The following VPS35L variants were observed in gnomAD, a reference collection of about 807,000 sequenced individuals.
The protein encoded by VPS35L is VPS35 endosomal protein-sorting factor-like.
In VPS35L, 83 loss-of-function variants were observed where a neutral mutation model predicts 133.0. The observed-to-expected ratio is 0.62, with a 90% CI of 0.52 to 0.75. VPS35L has a LOEUF of 0.75. Ranked by LOEUF, VPS35L falls within the 30% of genes least tolerant of loss-of-function variation. The pLI is 0.00. For missense variants in VPS35L, 1,083 were observed against 1,206.8 expected, an observed-to-expected ratio of 0.90 and a Z score of 1.52; for synonymous variants, 423 against 449.9, an observed-to-expected ratio of 0.94 and a Z score of 0.76.
At chr16:19,604,492 GT>G (rs796492842) in intron 9 of VPS35L, among the ~76,000 whole-genome samples, 20 of 151,296 alleles carry the variant, frequency 1.3e-4, no homozygotes, top group Non-Finnish European at 2.2e-4. Flanking sequence ...AAATGATTTG[GT>G]TTTTTTTTCT....
At chr16:19,582,452 C>T (rs943446078) in intron 7 of VPS35L, among the ~76,000 whole-genome samples, 4 of 152,204 alleles carry the variant, frequency 2.6e-5, no homozygotes, top group Admixed American at 6.5e-5. Flanking sequence ...GGAGTCTTCA[C>T]ACTGGACACA....
intron 1 of VPS35L, among the ~76,000 whole-genome samples, chr16:19,563,031 C>T (rs1971076103): frequency 6.6e-6 from 1 of 152,028 alleles, no homozygotes; most frequent in South Asian, 2.1e-4. Flanking sequence ...TCCCAAAGTG[C>T]TGGGATTACA....
chr16:19,609,304 A>G (rs1972633319), intron 11 of VPS35L, among the ~76,000 whole-genome samples: 1 of 152,192 alleles, frequency 6.6e-6, no homozygotes, highest in Non-Finnish European at 1.5e-5. Context: ...CTGTACTGGT[A>G]CTAGCTGTAT....
At chr16:19,674,629 A>C (rs28525483) in intron 27 of VPS35L, among the ~76,000 whole-genome samples, 52,063 of 152,006 alleles carry the variant, frequency 0.34, 9,184 homozygotes, top group African/African-American at 0.36. Flanking sequence ...TGTACAATAC[A>C]TTACTATTGA....
At chr16:19,565,823 G>T (rs969418502) in intron 2 of VPS35L, among the ~76,000 whole-genome samples, 15 of 152,122 alleles carry the variant, frequency 9.9e-5, no homozygotes, top group African/African-American at 3.4e-4. Flanking sequence ...TTTAATTTTT[G>T]TATTTGGAAT....
At position 19,637,676 on chromosome 16, in the gene VPS35L, TA is replaced by T; in HGVS notation, c.1698+21del. On this transcript the variant is annotated intron_variant, in intron 20 of 30. Transcript: ENST00000417362. ...TCAGTGGTAAGTAGGATTTCTTAAT[TA>T]TCTTTGGAAATTTGTACCTGGCTCA... 6.5e-7 allele frequency: 1 copy of T among 1,533,032 alleles called. No individual in the cohort carries two copies. Among genetic ancestry groups the T allele is most frequent in the Non-Finnish European group, 8.9e-7 (1 of 1,122,916 alleles). The allele number at this position is 1,533,032 out of a possible 1,614,324, so 95.0% of individuals were successfully genotyped here.
At chr16:19,579,266 C>T (rs1462837963) in intron 6 of VPS35L, 138 bp downstream of exon 6, 1 of 757,430 alleles carries the variant, frequency 1.3e-6, no homozygotes, top group Non-Finnish European at 2.1e-6. Context: ...GCAATGACTC[C>T]ATCCAGGGAA....
In VPS35L at chr16:19,637,705, G is replaced by A. The variant is rs778534687; in HGVS notation, c.1698+49G>A. ...TTTGGAAATTTGTACCTGGCTCAGA[G>A]GTTCTCATTGTCTCAGTAATGTTTT... On this transcript the variant is annotated intron_variant, in intron 20 of 30. Coordinates refer to ENST00000417362, the MANE Select transcript of VPS35L (RefSeq NM_020314.7). 14 of 1,305,558 alleles carry A rather than the reference G, an allele frequency of 1.1e-5. No individual in the cohort carries two copies. In the East Asian group the frequency reaches 3.1e-4, roughly 29 times the overall value. The allele number at this position is 1,305,558 out of a possible 1,614,324, so 80.9% of individuals were successfully genotyped here.
chr16:19,574,200 G>A (rs985343596), intron 4 of VPS35L, among the ~76,000 whole-genome samples: 2 of 152,182 alleles, frequency 1.3e-5, no homozygotes, highest in Admixed American at 6.5e-5. Flanking sequence ...GGAGTCCAGG[G>A]CTGGTTTGGC....
chr16:19,656,520 T>C (rs1263156335), intron 26 of VPS35L, among the ~76,000 whole-genome samples: 1 of 151,356 alleles, frequency 6.6e-6, no homozygotes, highest in African/African-American at 2.4e-5. Flanking sequence ...CTGCTTGCAT[T>C]GGTCCCAGTC....
intron 7 of VPS35L, among the ~76,000 whole-genome samples, chr16:19,588,158 A>AGTATGTATGTATGTATGTATGTATGTAT (rs71146263): frequency 6.1e-5 from 9 of 147,462 alleles, no homozygotes; most frequent in African/African-American, 2.3e-4. Context: ...GGGTAATATA[A>AGTATGTATGTATGTATGTATGTATGTAT]GTATGTATGT....
At chr16:19,662,572 C>T (rs928584005) in intron 26 of VPS35L, among the ~76,000 whole-genome samples, 14 of 152,112 alleles carry the variant, frequency 9.2e-5, no homozygotes, top group African/African-American at 1.7e-4. Flanking sequence ...TTAACATTGC[C>T]GACCTCCTGA....
At chr16:19,583,313 C>T (rs778060561) in intron 7 of VPS35L, among the ~76,000 whole-genome samples, 2 of 152,120 alleles carry the variant, frequency 1.3e-5, no homozygotes, top group Non-Finnish European at 2.9e-5. Context: ...ATCTACCTTT[C>T]CTGGATATTT....
chr16:19,601,477 A>G lies in VPS35L; in HGVS notation c.725-187A>G, dbSNP rs1391427018. ...TGCCTTTCAAAGAAAGTAAAAGTCT[A>G]CTGGAAAAACTAAAAACAAAACAAA... On this transcript the variant is annotated intron_variant, in intron 8 of 30. Coordinates refer to ENST00000417362, the MANE Select transcript of VPS35L (RefSeq NM_020314.7). 2.6e-5 allele frequency: 15 copies of G among 566,460 alleles called. No homozygotes were observed. In the Admixed American group the frequency reaches 4.0e-4, roughly 15 times the overall value. 35.1% of individuals were successfully genotyped at this position (566,460 alleles called of 1,614,324 possible).
chr16:19,657,732 A>G (rs945612360), intron 26 of VPS35L, among the ~76,000 whole-genome samples: 3 of 152,208 alleles, frequency 2.0e-5, no homozygotes, highest in African/African-American at 7.2e-5. Context: ...TGTGGGAGAG[A>G]AAAATTATTT....
At chr16:19,697,081 G>A (rs984097744) in intron 29 of VPS35L, among the ~76,000 whole-genome samples, 4 of 152,092 alleles carry the variant, frequency 2.6e-5, no homozygotes, top group African/African-American at 4.8e-5. Context: ...GCCAGTTTGC[G>A]AGTCCGTGCC....
chr16:19,664,607 C>T (rs1236011503), intron 26 of VPS35L, among the ~76,000 whole-genome samples: 2 of 150,844 alleles, frequency 1.3e-5, no homozygotes, highest in Non-Finnish European at 3.0e-5. Context: ...GGAAAAGAAA[C>T]ATGGATGTCC....
At chr16:19,585,850 A>G (rs1452646339) in intron 7 of VPS35L, among the ~76,000 whole-genome samples, 1 of 152,160 alleles carries the variant, frequency 6.6e-6, no homozygotes, top group African/African-American at 2.4e-5. Context: ...TGAAATGTCT[A>G]TTCAATGCCT....
At chr16:19,613,657 T>C (rs1972796251) in intron 12 of VPS35L, among the ~76,000 whole-genome samples, 1 of 152,242 alleles carries the variant, frequency 6.6e-6, no homozygotes, top group African/African-American at 2.4e-5. Context: ...GGGCTGATTC[T>C]TGGTGGATTA....
Sources: gnomAD v4.1 joint callset for allele counts (sites outside exome capture counted in the v4.1 genomes callset) on GRCh38, gnomAD v4.1.1 for gene constraint, MANE v1.5 for transcripts, NCBI Gene and HGNC (gene_info 2026-07-23, HGNC 2026-07-21) for gene names.